Variants in GRID1 observed in about 807,000 individuals in gnomAD.
GRID1 encodes glutamate ionotropic receptor delta type subunit 1.
In GRID1, 28 loss-of-function variants were observed where a neutral mutation model predicts 98.0. The ratio of observed to expected loss-of-function variants is 0.29; its 90% CI spans 0.21 to 0.39. The LOEUF is 0.39. Ranked by LOEUF, GRID1 falls within the 10% of genes least tolerant of loss-of-function variation. The pLI is 1.00. For missense variants in GRID1, 1,111 were observed against 1,340.5 expected, an observed-to-expected ratio of 0.83 and a Z score of 2.67; for synonymous variants, 553 against 538.5, an observed-to-expected ratio of 1.03 and a Z score of -0.37.
intron 2 of GRID1, among the ~76,000 whole-genome samples, chr10:86,222,079 G>C (rs1846263663): frequency 6.6e-6 from 1 of 152,212 alleles, no homozygotes; most frequent in Admixed American, 6.5e-5. Flanking sequence ...GAAGCTGGCA[G>C]GACTAGGGAA....
At chr10:85,902,658 C>A (rs954183300) in intron 5 of GRID1, among the ~76,000 whole-genome samples, 24 of 152,276 alleles carry the variant, frequency 1.6e-4, no homozygotes, top group Non-Finnish European at 1.2e-4. Context: ...GTATGGAGTT[C>A]TTAAATTCGA....
Position 85,993,134 on chromosome 10 carries a change from G to A in GRID1, c.727-76895C>T, listed in dbSNP as rs529557653. On this transcript the variant is annotated intron_variant, in intron 4 of 15. Coordinates refer to ENST00000327946, the MANE Select transcript of GRID1 (RefSeq NM_017551.3). The stretch of plus-strand genomic sequence containing the variant: ...GACAGGCTATCCCCAGAGGACAACC[G>A]GTTTGAGTTAAGGTAAGTAAGGTAA... 2.1e-4 allele frequency among the ~76,000 whole-genome samples: 32 copies of A among 152,296 alleles called. No individual in the cohort carries two copies. In the South Asian group the frequency reaches 4.6e-3, roughly 22 times the overall value.
intron 8 of GRID1, among the ~76,000 whole-genome samples, chr10:85,791,673 G>T (rs185390694): frequency 6.6e-6 from 1 of 152,204 alleles, no homozygotes; most frequent in Admixed American, 6.5e-5. Flanking sequence ...TGTAACAATC[G>T]ATCACAAGGA....
At chr10:86,181,415 TAACATGAACCCAGAGAG>T in intron 3 of GRID1, among the ~76,000 whole-genome samples, 1 of 152,144 alleles carries the variant, frequency 6.6e-6, no homozygotes, top group South Asian at 2.1e-4. Context: ...CAGTGGACAC[TAACATGAACCCAGAGAG>T]GGAAGCAACA....
intron 4 of GRID1, among the ~76,000 whole-genome samples, chr10:85,923,427 C>A (rs1841733301): frequency 1.3e-5 from 2 of 152,152 alleles, no homozygotes; most frequent in Admixed American, 6.5e-5. Context: ...GAAAGCTGAA[C>A]CTGCCTCTTA....
At chr10:85,932,989 T>G (rs758948857) in intron 4 of GRID1, among the ~76,000 whole-genome samples, 42 of 152,226 alleles carry the variant, frequency 2.8e-4, no homozygotes, top group Non-Finnish European at 5.3e-4. Context: ...AAAAAACATG[T>G]GTTAGAAACT....
chr10:85,910,160 TACTAA>T (rs1202371540), intron 5 of GRID1, among the ~76,000 whole-genome samples: 1 of 152,188 alleles, frequency 6.6e-6, no homozygotes, highest in African/African-American at 2.4e-5. Flanking sequence ...TTTCGAGTGT[TACTAA>T]ATTAAATTTG....
At chr10:85,765,510 A>G (rs1168495171) in intron 8 of GRID1, among the ~76,000 whole-genome samples, 2 of 152,234 alleles carry the variant, frequency 1.3e-5, no homozygotes, top group Non-Finnish European at 2.9e-5. Flanking sequence ...GGAAAATTCT[A>G]TACCTGACCT....
chr10:85,937,375 C>T (rs1278717131), intron 4 of GRID1, among the ~76,000 whole-genome samples: 1 of 152,172 alleles, frequency 6.6e-6, no homozygotes, highest in African/African-American at 2.4e-5. Context: ...TGACTGGCCC[C>T]GGTGGGCATC....
At chr10:85,955,893 G>A (rs1355592755) in intron 4 of GRID1, among the ~76,000 whole-genome samples, 1 of 152,198 alleles carries the variant, frequency 6.6e-6, no homozygotes, top group African/African-American at 2.4e-5. Flanking sequence ...CCAGAGGGGA[G>A]CTGGCCATTG....
At chr10:85,650,054 T>C (rs958023796) in intron 12 of GRID1, 1 of 152,244 alleles carries the variant, frequency 6.6e-6, no homozygotes, top group Non-Finnish European at 1.5e-5. Context: ...TATGGAAGGC[T>C]ATCTGGGGTG....
At chr10:85,799,548 A>C (rs2132750924) in intron 8 of GRID1, among the ~76,000 whole-genome samples, 1 of 152,266 alleles carries the variant, frequency 6.6e-6, no homozygotes, top group Non-Finnish European at 1.5e-5. Flanking sequence ...GATAAAAAAG[A>C]CTTAAATCTT....
chr10:86,266,188 C>A (rs997678289), intron 2 of GRID1, among the ~76,000 whole-genome samples: 2 of 152,096 alleles, frequency 1.3e-5, no homozygotes, highest in African/African-American at 2.4e-5. Flanking sequence ...TGATCCTCCC[C>A]CTCCTGATAA....
intron 4 of GRID1, among the ~76,000 whole-genome samples, chr10:85,987,508 C>A (rs533770328): frequency 9.3e-6 from 1 of 107,932 alleles, no homozygotes; most frequent in Non-Finnish European, 1.9e-5. Flanking sequence ...GCCTTACCTT[C>A]CCCCTAGCTA....
intron 12 of GRID1, among the ~76,000 whole-genome samples, chr10:85,692,677 A>AAAGAAG (rs1554825171): frequency 6.7e-5 from 10 of 150,192 alleles, no homozygotes; most frequent in African/African-American, 2.5e-4. Flanking sequence ...AAAAAAAAAA[A>AAAGAAG]AAGAAGAAGA....
Position 86,003,852 on chromosome 10 carries a change from G to A in GRID1, c.727-87613C>T, listed in dbSNP as rs114319789. Reference sequence around the variant, plus strand: ...GTGAAAAATAAAGTGTAACGAACTTGGAGATCCCTTTGGCAATAGCTAAGA... The same window carrying A: ...GTGAAAAATAAAGTGTAACGAACTTAGAGATCCCTTTGGCAATAGCTAAGA... On this transcript the variant is annotated intron_variant, in intron 4 of 15. Coordinates refer to ENST00000327946, the MANE Select transcript of GRID1 (RefSeq NM_017551.3). 4.5e-3 allele frequency among the ~76,000 whole-genome samples: 691 copies of A among 152,304 alleles called. 6 individuals are homozygous for A. The highest frequency in any genetic ancestry group is 0.016 in the African/African-American group (656 of 41,552).
chr10:86,212,048 A>G (rs1846114569), intron 2 of GRID1, among the ~76,000 whole-genome samples: 1 of 152,166 alleles, frequency 6.6e-6, no homozygotes, highest in Non-Finnish European at 1.5e-5. Context: ...GCCCTCAGAC[A>G]TTGAGGTCAC....
intron 8 of GRID1, among the ~76,000 whole-genome samples, chr10:85,844,313 A>G (rs1749175585): frequency 6.6e-6 from 1 of 152,044 alleles, no homozygotes; most frequent in South Asian, 2.1e-4. Context: ...ATGTGGTCAT[A>G]AAAGAGAAAA....
chr10:85,798,401 C>T (rs879555165), intron 8 of GRID1, among the ~76,000 whole-genome samples: 8 of 152,114 alleles, frequency 5.3e-5, no homozygotes, highest in Admixed American at 1.3e-4. Flanking sequence ...GTGGAATTGT[C>T]GGATTATATG....
Sources: gnomAD v4.1 joint callset for allele counts (sites outside exome capture counted in the v4.1 genomes callset) on GRCh38, gnomAD v4.1.1 for gene constraint, MANE v1.5 for transcripts, NCBI Gene and HGNC (gene_info 2026-07-23, HGNC 2026-07-21) for gene names.